C11orf24: variants seen among roughly 807,000 people sequenced by gnomAD.
C11orf24 encodes the protein chromosome 11 open reading frame 24, also known as uncharacterized protein C11orf24.
A neutral mutation model predicts 7.3 loss-of-function variants in C11orf24; 5 were observed. That is an observed-to-expected ratio of 0.69 (90% CI 0.36 to 1.45). The LOEUF (loss-of-function observed/expected upper bound fraction) is 1.45, where lower values mean the gene tolerates loss of function less well. Ranked by LOEUF, C11orf24 falls within the 40% of genes most tolerant of loss-of-function variation. The probability of loss-of-function intolerance (pLI) is 0.03; values close to 1 mark genes in which losing one functional copy is unlikely to be tolerated. For synonymous variants in C11orf24, 233 were observed against 235.7 expected, an observed-to-expected ratio of 0.99 and a Z score of 0.11; for missense variants, 566 against 590.5, an observed-to-expected ratio of 0.96 and a Z score of 0.43.
In C11orf24 at chr11:68,268,117, C is replaced by T. The variant is rs2098566121; in HGVS notation, c.-163G>A. 1 of 152,390 alleles carries T rather than the reference C, an allele frequency of 6.6e-6. No individual in the cohort carries two copies. Among genetic ancestry groups the T allele is most frequent in the Admixed American group, 6.5e-5 (1 of 15,292 alleles). 9.4% of individuals were successfully genotyped at this position (152,390 alleles called of 1,614,324 possible). A position where few individuals can be genotyped will look rare whatever the true frequency, so the allele number is the denominator to read the frequency against. The stretch of plus-strand genomic sequence containing the variant: ...ATCTTCCTCCTTGGAGAGCTGTGGG[C>T]TTGACACTGTGTCGCTGGGCGAAGT... On this transcript the variant is annotated 5_prime_UTR_variant, in exon 2 of 4. Transcript: ENST00000304271.
At chr11:68,270,651 G>C (rs1434352423) in intron 1 of C11orf24, among the ~76,000 whole-genome samples, 1 of 151,422 alleles carries the variant, frequency 6.6e-6, no homozygotes, top group East Asian at 1.9e-4. Flanking sequence ...AGGTTCCAAA[G>C]ACCAATCCTG....
chr11:68,262,115 T>C lies in C11orf24; in HGVS notation c.880A>G (p.Thr294Ala). The change falls in exon 4 of 4, where the codon ACC becomes GCC. Residue 294 changes from threonine to alanine, a missense_variant. Coordinates refer to ENST00000304271, the MANE Select transcript of C11orf24 (RefSeq NM_022338.4). ...GTTGGCTCCCTGGCTTGTGCCTTGG[T>C]GGTGGTCACCACTGTGGGGGTGGGG... ...PAPTPTVVTT[T>A]KAQAREPTAS... is the part of the protein sequence containing the mutation. The C allele has an allele frequency of 6.2e-7, 1 of 1,610,528 alleles. No homozygotes were observed.
At chr11:68,263,167 GA>G (rs1413229958) in intron 3 of C11orf24, 1 of 551,308 alleles carries the variant, frequency 1.8e-6, no homozygotes, top group Non-Finnish European at 3.2e-6. Flanking sequence ...CCTGCCCATT[GA>G]AGGCTTCAGA....
In C11orf24 at chr11:68,262,908, G is replaced by A. The variant is rs2098562713; in HGVS notation, c.87C>T (p.Val29=). 1 of 1,612,734 alleles carries A rather than the reference G, an allele frequency of 6.2e-7. No homozygotes were observed. Among genetic ancestry groups the A allele is most frequent in the Non-Finnish European group, 8.5e-7 (1 of 1,179,208 alleles). The part of the protein sequence containing the change: ...HAASNDPRNF[V]PNKMWKGLVK... ...CTAATCCCTTCCACATTTTGTTAGGGACAAAGTTGCCTTAAAGTCAGAAAA... is the reference window on the plus strand; with the variant it reads ...CTAATCCCTTCCACATTTTGTTAGGAACAAAGTTGCCTTAAAGTCAGAAAA... Residue 29 remains valine (V), a synonymous_variant, in exon 4 of 4, where the codon GTC becomes GTT. Coordinates refer to ENST00000304271, the MANE Select transcript of C11orf24 (RefSeq NM_022338.4).
chr11:68,268,595 G>A (rs1311848341), intron 1 of C11orf24, among the ~76,000 whole-genome samples: 3 of 152,210 alleles, frequency 2.0e-5, no homozygotes, highest in African/African-American at 4.8e-5. Flanking sequence ...GGGAGGCTGA[G>A]GCAGGAGAAT....
chr11:68,261,698 A>G lies in C11orf24; in HGVS notation c.1297T>C (p.Tyr433His). 1.9e-6 allele frequency: 3 copies of G among 1,614,088 alleles called. No individual in the cohort carries two copies. The highest frequency in any genetic ancestry group is 1.7e-6 in the Non-Finnish European group (2 of 1,179,948). Residue 433 changes from tyrosine (Y) to histidine (H), a missense_variant, in exon 4 of 4, where the codon TAC (tyrosine) becomes CAC (histidine). Coordinates refer to ENST00000304271, the MANE Select transcript of C11orf24 (RefSeq NM_022338.4). ...TTGATTAAGTAGTCCACCTGGGTGT[A>G]GTCCTTCTTCTTGTAGCTCTCATAG... ...QAYESYKKKD[Y>H]TQVDYLINGM...
In C11orf24 at chr11:68,262,902, G is replaced by T. The variant is rs758351924; in HGVS notation, c.93C>A (p.Asn31Lys). ...TCTTGACTAATCCCTTCCACATTTT[G>T]TTAGGGACAAAGTTGCCTTAAAGTC... ...ASNDPRNFVP[N>K]KMWKGLVKRN... The change falls in exon 4 of 4, where the codon AAC (asparagine) becomes AAA (lysine). Residue 31 changes from asparagine to lysine, a missense_variant. Coordinates refer to ENST00000304271, the MANE Select transcript of C11orf24 (RefSeq NM_022338.4). 5 of 1,613,436 alleles carry T rather than the reference G, an allele frequency of 3.1e-6. No homozygotes were observed. The East Asian group carries it at 6.7e-5, about 22-fold the overall frequency.
At chr11:68,269,118 T>C (rs892464480) in intron 1 of C11orf24, among the ~76,000 whole-genome samples, 12 of 152,330 alleles carry the variant, frequency 7.9e-5, no homozygotes, top group Admixed American at 7.8e-4. Flanking sequence ...CTTCTTTTTT[T>C]TTTTTTAACA....
At chr11:68,264,522 TCATCCATCCATCCATC>T (rs2098563681) in intron 2 of C11orf24, among the ~76,000 whole-genome samples, 2 of 14,270 alleles carry the variant, frequency 1.4e-4, no homozygotes, top group African/African-American at 3.0e-4. Flanking sequence ...ATCCACCCAC[TCATCCATCCATCCATC>T]CATCCATCCA....
chr11:68,263,138 C>A (rs1252050279), intron 3 of C11orf24: 6 of 585,078 alleles, frequency 1.0e-5, no homozygotes, highest in Non-Finnish European at 1.8e-5. Flanking sequence ...TTTAAAACTC[C>A]TTTGCCCTCT....
chr11:68,268,797 A>G (rs892510467), intron 1 of C11orf24, among the ~76,000 whole-genome samples: 1 of 152,244 alleles, frequency 6.6e-6, no homozygotes, highest in African/African-American at 2.4e-5. Flanking sequence ...ATCTACAAAG[A>G]TATTTCTCAC....
At chr11:68,267,311 T>A (rs1242202324) in intron 2 of C11orf24, 4 of 152,262 alleles carry the variant, frequency 2.6e-5, no homozygotes, top group Non-Finnish European at 4.4e-5. Flanking sequence ...GACAAGGACC[T>A]TCTCCTTCCT....
rs1448987424 is a variant in C11orf24 at position 68,271,959 on chromosome 11, C to A, written c.-400G>T. The A allele has an allele frequency of 2.0e-5, 3 of 152,174 alleles. No individual in the cohort carries two copies. Among genetic ancestry groups the A allele is most frequent in the Non-Finnish European group, 4.4e-5 (3 of 68,020 alleles). 9.4% of individuals were successfully genotyped at this position (152,174 alleles called of 1,614,324 possible). ...GCCGGCAGCGCAACCCAGGCAGCTC[C>A]GGGCAGCGCGCCCTGCCCGGGCCCC... On this transcript the variant is annotated 5_prime_UTR_variant, in exon 1 of 4. Transcript: ENST00000304271.
rs777395968 is a variant in C11orf24 at position 68,261,796 on chromosome 11, G to T, written c.1199C>A (p.Thr400Asn). 11 of 1,614,224 alleles carry T rather than the reference G, an allele frequency of 6.8e-6. No individual in the cohort carries two copies. The South Asian group carries it at 1.1e-4, about 16-fold the overall frequency. The change falls in exon 4 of 4, where the codon ACT (threonine) becomes AAT (asparagine). Residue 400 changes from threonine (T) to asparagine (N), a missense_variant. By Grantham distance (65) the Thr-to-Asn change is moderately conservative. Transcript: ENST00000304271. ...EPLTQAVVDK[T>N]LLLVVLLLGV... is the part of the protein sequence containing the mutation. Reference sequence around the variant, plus strand: ...GAGTAACAGCACCACCAGAAGGAGAGTTTTGTCTACCACGGCCTGGGTGAG... The same window carrying T: ...GAGTAACAGCACCACCAGAAGGAGATTTTTGTCTACCACGGCCTGGGTGAG...
In C11orf24 at chr11:68,268,191, T is replaced by C. The variant is rs1001353390; in HGVS notation, c.-237A>G. 2 of 152,306 alleles carry C rather than the reference T, an allele frequency of 1.3e-5. No homozygotes were observed. Among genetic ancestry groups the C allele is most frequent in the Admixed American group, 6.5e-5 (1 of 15,292 alleles). 9.4% of individuals were successfully genotyped at this position (152,306 alleles called of 1,614,324 possible). A position where few individuals can be genotyped will look rare whatever the true frequency, so the allele number is the denominator to read the frequency against. ...CACGTGGTGGGGCACTCCCGGGCCA[T>C]GCCATCCTTTGTGGCACATGTGAGA... On this transcript the variant is annotated 5_prime_UTR_variant, in exon 2 of 4. An upstream start codon of the reference 5' UTR is lost. Coordinates refer to ENST00000304271, the MANE Select transcript of C11orf24 (RefSeq NM_022338.4).
At chr11:68,271,416 G>A (rs954070578) in intron 1 of C11orf24, among the ~76,000 whole-genome samples, 2 of 152,156 alleles carry the variant, frequency 1.3e-5, no homozygotes, top group African/African-American at 2.4e-5. Context: ...CTGGGGGATA[G>A]GTCTGTGTCA....
intron 1 of C11orf24, among the ~76,000 whole-genome samples, chr11:68,270,544 A>G (rs2098567405): frequency 6.6e-6 from 1 of 151,574 alleles, no homozygotes; most frequent in South Asian, 2.1e-4. Flanking sequence ...CAAGCCCAGA[A>G]GTTTGAGTTC....
intron 1 of C11orf24, among the ~76,000 whole-genome samples, chr11:68,268,592 T>A (rs1335765567): frequency 6.6e-6 from 1 of 152,192 alleles, no homozygotes; most frequent in Non-Finnish European, 1.5e-5. Flanking sequence ...CTTGGGAGGC[T>A]GAGGCAGGAG....
In C11orf24 at chr11:68,262,191, G is replaced by C; in HGVS notation, c.804C>G (p.Asn268Lys). Residue 268 changes from asparagine (N) to lysine (K), a missense_variant, in exon 4 of 4, where the codon AAC (asparagine) becomes AAG (lysine). Coordinates refer to ENST00000304271, the MANE Select transcript of C11orf24 (RefSeq NM_022338.4). ...SQVSVDQPVV[N>K]TTNKSTPMPS... ...GCATGGGTGTGGATTTATTTGTTGT[G>C]TTAACCACAGGCTGGTCCACTGACA... The C allele has an allele frequency of 6.2e-7, 1 of 1,613,578 alleles. No homozygotes were observed.
Sources: gnomAD v4.1 joint callset for allele counts (sites outside exome capture counted in the v4.1 genomes callset) on GRCh38, gnomAD v4.1.1 for gene constraint, MANE v1.5 for transcripts, NCBI Gene and HGNC (gene_info 2026-07-23, HGNC 2026-07-21) for gene names.